Variants in KATNIP observed in about 807,000 individuals in gnomAD.
KATNIP encodes the protein katanin-interacting protein.
In KATNIP, 126 loss-of-function variants were observed where a neutral mutation model predicts 174.0. The ratio of observed to expected loss-of-function variants is 0.72; its 90% CI spans 0.63 to 0.84. KATNIP has a LOEUF of 0.84. Ranked by LOEUF, KATNIP falls within the 40% of genes least tolerant of loss-of-function variation. The probability of loss-of-function intolerance (pLI) is 0.00; values close to 1 mark genes in which losing one functional copy is unlikely to be tolerated. For missense variants in KATNIP, 1,958 were observed against 2,109.7 expected (o/e 0.93, Z 1.41); for synonymous variants, 810 against 835.7 (o/e 0.97, Z 0.53).
At chr16:27,610,504 C>T (rs987445925) in intron 2 of KATNIP, among the ~76,000 whole-genome samples, 1 of 152,100 alleles carries the variant, frequency 6.6e-6, no homozygotes, top group African/African-American at 2.4e-5. Context: ...AAGTTATGGA[C>T]TCTTCCAAGA....
intron 15 of KATNIP, among the ~76,000 whole-genome samples, chr16:27,741,173 T>G (rs2081094197): frequency 6.6e-6 from 1 of 152,250 alleles, no homozygotes; most frequent in Admixed American, 6.5e-5. Flanking sequence ...TTTGCCCATT[T>G]TTCTTGCAAC....
intron 2 of KATNIP, among the ~76,000 whole-genome samples, chr16:27,609,368 T>C (rs2075815464): frequency 6.8e-6 from 1 of 146,066 alleles, no homozygotes; most frequent in African/African-American, 2.5e-5. Flanking sequence ...AGGGAATATC[T>C]GAGTTAAGTC....
chr16:27,629,068 C>T (rs1159383026), intron 4 of KATNIP, among the ~76,000 whole-genome samples: 3 of 150,706 alleles, frequency 2.0e-5, no homozygotes, highest in Non-Finnish European at 4.4e-5. Flanking sequence ...CTGAGGAGGC[C>T]GAGGCACAAG....
chr16:27,561,687 G>A (rs1385746795), intron 1 of KATNIP, among the ~76,000 whole-genome samples: 2 of 152,202 alleles, frequency 1.3e-5, no homozygotes, highest in African/African-American at 4.8e-5. Context: ...CTGCAATGCA[G>A]TGTGTGGTGT....
At chr16:27,771,869 G>T (rs2082317260) in intron 22 of KATNIP, among the ~76,000 whole-genome samples, 1 of 152,162 alleles carries the variant, frequency 6.6e-6, no homozygotes, top group East Asian at 1.9e-4. Flanking sequence ...AGGCTGGAGG[G>T]GGCAGCACCC....
rs188742372 is a variant in KATNIP at position 27,665,342 on chromosome 16, C to T, written c.541-12387C>T. Among the ~76,000 whole-genome samples, 1,235 of 151,562 alleles carry T rather than the reference C, an allele frequency of 8.1e-3. 15 individuals are homozygous for T. The highest frequency in any genetic ancestry group is 0.01 in the Non-Finnish European group (699 of 67,828). The stretch of plus-strand genomic sequence containing the variant: ...CTAGTCTCGAACTCCTGACCTCAAA[C>T]GATCCACCCACCTCAGCCTCCCAAA... On this transcript the variant is annotated intron_variant, in intron 6 of 27. Transcript: ENST00000261588.
intron 27 of KATNIP, 76 bp downstream of exon 27, chr16:27,778,045 C>T: frequency 2.3e-6 from 3 of 1,321,162 alleles, no homozygotes; most frequent in East Asian, 4.7e-5. Flanking sequence ...GGTGGCCTTG[C>T]ACCCCCACCC....
chr16:27,697,616 A>G (rs1283524993), intron 8 of KATNIP, among the ~76,000 whole-genome samples: 1 of 150,208 alleles, frequency 6.7e-6, no homozygotes, highest in Non-Finnish European at 1.5e-5. Context: ...TTATACAAAA[A>G]TTATATATAC....
chr16:27,669,897 A>G (rs960217451), intron 6 of KATNIP, among the ~76,000 whole-genome samples: 1 of 151,950 alleles, frequency 6.6e-6, no homozygotes, highest in Non-Finnish European at 1.5e-5. Context: ...TTTGTTGCCC[A>G]GGCTGGTCTC....
chr16:27,771,779 G>A (rs908997762), intron 22 of KATNIP, 127 bp downstream of exon 22: 5 of 971,526 alleles, frequency 5.1e-6, no homozygotes, highest in Non-Finnish European at 7.8e-6. Flanking sequence ...AGGAAACCAA[G>A]GCAGAGGATA....
chr16:27,685,868 A>G (rs1186491163), intron 8 of KATNIP, among the ~76,000 whole-genome samples: 1 of 152,224 alleles, frequency 6.6e-6, no homozygotes, highest in Non-Finnish European at 1.5e-5. Context: ...AAAGGAAGTA[A>G]AAAGTGCAGG....
chr16:27,612,849 C>A (rs1235417073), intron 2 of KATNIP, among the ~76,000 whole-genome samples: 1 of 152,020 alleles, frequency 6.6e-6, no homozygotes, highest in Non-Finnish European at 1.5e-5. Context: ...GTGCTACATG[C>A]CTGTAGTTTC....
At chr16:27,744,871 C>A (rs1020710415) in intron 15 of KATNIP, among the ~76,000 whole-genome samples, 5 of 151,856 alleles carry the variant, frequency 3.3e-5, no homozygotes, top group Admixed American at 1.3e-4. Context: ...GCCAAGATCA[C>A]GCCACTGCAC....
chr16:27,719,571 G>A (rs2143015219), intron 13 of KATNIP, among the ~76,000 whole-genome samples: 1 of 152,034 alleles, frequency 6.6e-6, no homozygotes, highest in South Asian at 2.1e-4. Flanking sequence ...AGTAGAGACG[G>A]GGTTTCACTA....
At chr16:27,597,935 A>G (rs1310600683) in intron 2 of KATNIP, among the ~76,000 whole-genome samples, 1 of 152,152 alleles carries the variant, frequency 6.6e-6, no homozygotes, top group Non-Finnish European at 1.5e-5. Flanking sequence ...ACTCTTAAGA[A>G]CATGCATTTG....
chr16:27,705,614 C>T (rs139032067), intron 12 of KATNIP, among the ~76,000 whole-genome samples: 162 of 152,136 alleles, frequency 1.1e-3, no homozygotes, highest in African/African-American at 3.7e-3. Context: ...GCAAGTTCAC[C>T]GAGAAAAATC....
chr16:27,590,937 G>A (rs951694092), intron 2 of KATNIP, among the ~76,000 whole-genome samples: 1 of 152,174 alleles, frequency 6.6e-6, no homozygotes, highest in Non-Finnish European at 1.5e-5. Flanking sequence ...TGGGAAATAA[G>A]CATATGCTGC....
At position 27,632,961 on chromosome 16, in the gene KATNIP, G is replaced by A. The variant is rs373237005; in HGVS notation, c.408+1799G>A. ...GACTGGGTTTCACCATGTTGGCCAG[G>A]GTGGTCTCGAACTCCTGACCTCAGG... On this transcript the variant is annotated intron_variant, in intron 5 of 27. Transcript: ENST00000261588. Among the ~76,000 whole-genome samples the A allele has an allele frequency of 3.3e-4, 50 of 152,158 alleles. No individual in the cohort carries two copies. The South Asian group carries it at 0.01, about 31-fold the overall frequency.
chr16:27,775,634 T>C (rs2082468617), intron 24 of KATNIP, among the ~76,000 whole-genome samples: 1 of 152,084 alleles, frequency 6.6e-6, no homozygotes, highest in Admixed American at 6.5e-5. Context: ...TGAGGCCTCA[T>C]GGTGAGAAGA....
Sources: allele counts gnomAD v4.1 joint callset (sites outside exome capture counted in the v4.1 genomes callset), GRCh38; gene constraint gnomAD v4.1.1; transcripts MANE v1.5; gene names NCBI Gene and HGNC (gene_info 2026-07-23, HGNC 2026-07-21).